The following DCC variants were observed in gnomAD, a reference collection of about 807,000 sequenced individuals.
The protein encoded by DCC is DCC netrin 1 receptor.
In DCC, 58 loss-of-function variants were observed where a neutral mutation model predicts 172.5. That is an observed-to-expected ratio of 0.34 (90% CI 0.27 to 0.42). The LOEUF (loss-of-function observed/expected upper bound fraction) is 0.42. Ranked by LOEUF, DCC falls within the 10% of genes least tolerant of loss-of-function variation. The pLI is 1.00. For missense variants in DCC, 1,740 were observed against 1,791.0 expected, an observed-to-expected ratio of 0.97 and a Z score of 0.51; for synonymous variants, 709 against 644.5, an observed-to-expected ratio of 1.10 and a Z score of -1.52.
chr18:52,346,835 T>C (rs958005168), intron 1 of DCC, among the ~76,000 whole-genome samples: 10 of 152,204 alleles, frequency 6.6e-5, no homozygotes, highest in Non-Finnish European at 1.2e-4. Flanking sequence ...CCAGTGTCTA[T>C]GATCTACTTC....
chr18:52,375,972 C>G (rs763662836), intron 1 of DCC, among the ~76,000 whole-genome samples: 1 of 152,136 alleles, frequency 6.6e-6, no homozygotes, highest in Non-Finnish European at 1.5e-5. Context: ...TTTCCTAGCC[C>G]TTTAGAAGTA....
At chr18:52,687,539 C>CCTCCCAAAGTG (rs1181713530) in intron 1 of DCC, among the ~76,000 whole-genome samples, 6 of 152,062 alleles carry the variant, frequency 3.9e-5, no homozygotes, top group African/African-American at 1.4e-4. Flanking sequence ...CCCACCTTGG[C>CCTCCCAAAGTG]CTCCCAAAGT....
intron 26 of DCC, among the ~76,000 whole-genome samples, chr18:53,487,352 G>A (rs749721269): frequency 3.3e-5 from 5 of 152,118 alleles, no homozygotes; most frequent in Non-Finnish European, 4.4e-5. Flanking sequence ...AATAACTTGG[G>A]TGAATGCTTT....
chr18:52,392,661 C>T (rs769922918), intron 1 of DCC, among the ~76,000 whole-genome samples: 11 of 151,922 alleles, frequency 7.2e-5, no homozygotes, highest in Non-Finnish European at 1.5e-4. Context: ...TGCAATACTC[C>T]TGCTGCTAAT....
intron 1 of DCC, among the ~76,000 whole-genome samples, chr18:52,406,547 A>C (rs1986658786): frequency 6.6e-6 from 1 of 152,114 alleles, no homozygotes; most frequent in South Asian, 2.1e-4. Context: ...CGGACTCTGG[A>C]TAATGGGCTC....
intron 5 of DCC, among the ~76,000 whole-genome samples, chr18:52,929,294 A>G (rs894432588): frequency 2.0e-5 from 3 of 152,154 alleles, no homozygotes; most frequent in Non-Finnish European, 2.9e-5. Context: ...TCTTAGGCAT[A>G]TGCTTTACTG....
At chr18:52,641,693 A>G (rs1002101002) in intron 1 of DCC, among the ~76,000 whole-genome samples, 1 of 152,084 alleles carries the variant, frequency 6.6e-6, no homozygotes, top group African/African-American at 2.4e-5. Flanking sequence ...AAGAATGGCC[A>G]TAATCAAAAA....
intron 12 of DCC, among the ~76,000 whole-genome samples, chr18:53,228,780 G>A (rs996329965): frequency 1.3e-5 from 2 of 152,092 alleles, no homozygotes; most frequent in African/African-American, 4.8e-5. Context: ...AAACTTTAAG[G>A]AACATAACAA....
At chr18:53,453,994 A>G (rs1394662489) in intron 23 of DCC, among the ~76,000 whole-genome samples, 1 of 152,212 alleles carries the variant, frequency 6.6e-6, no homozygotes, top group Non-Finnish European at 1.5e-5. Flanking sequence ...TGTACTTTGA[A>G]GAGACCCCTT....
intron 12 of DCC, among the ~76,000 whole-genome samples, chr18:53,236,794 A>G (rs1039703698): frequency 6.6e-6 from 1 of 152,066 alleles, no homozygotes; most frequent in Non-Finnish European, 1.5e-5. Flanking sequence ...ATAGGTATCC[A>G]GTTTTGTCGG....
At chr18:53,522,163 A>C (rs748301300) in intron 27 of DCC, among the ~76,000 whole-genome samples, 7 of 152,074 alleles carry the variant, frequency 4.6e-5, no homozygotes, top group Non-Finnish European at 7.4e-5. Flanking sequence ...CTAAAATATC[A>C]ACATGAATTT....
intron 1 of DCC, among the ~76,000 whole-genome samples, chr18:52,677,271 T>G (rs1051414234): frequency 6.6e-5 from 10 of 152,280 alleles, no homozygotes; most frequent in African/African-American, 2.4e-4. Flanking sequence ...TCATTAATGT[T>G]AAAACTAACT....
intron 1 of DCC, among the ~76,000 whole-genome samples, chr18:52,590,052 C>T (rs1029571364): frequency 2.0e-5 from 3 of 151,964 alleles, no homozygotes; most frequent in African/African-American, 7.3e-5. Flanking sequence ...GCTCTGAGAA[C>T]ATTTTAAAGC....
chr18:52,804,892 G>A (rs1052941148), intron 2 of DCC, among the ~76,000 whole-genome samples: 23 of 152,084 alleles, frequency 1.5e-4, no homozygotes, highest in African/African-American at 3.6e-4. Context: ...CTAAAATTTC[G>A]TTTTAAAAAA....
intron 5 of DCC, among the ~76,000 whole-genome samples, chr18:53,021,116 A>G (rs1230595769): frequency 6.6e-6 from 1 of 151,982 alleles, no homozygotes; most frequent in Non-Finnish European, 1.5e-5. Flanking sequence ...GGGAAAGGGC[A>G]CTTGCTGAGA....
chr18:53,154,141 A>T (rs146501233), intron 7 of DCC, among the ~76,000 whole-genome samples: 83 of 152,254 alleles, frequency 5.5e-4, no homozygotes, highest in African/African-American at 1.9e-3. Flanking sequence ...AGGTAGATAA[A>T]TACCCCTATC....
At chr18:53,157,752 T>C (rs775065563) in intron 8 of DCC, among the ~76,000 whole-genome samples, 39 of 152,182 alleles carry the variant, frequency 2.6e-4, no homozygotes, top group Non-Finnish European at 5.3e-4. Flanking sequence ...ATTATGTCAA[T>C]TTTTTATTTC....
intron 1 of DCC, among the ~76,000 whole-genome samples, chr18:52,633,074 A>C (rs181849615): frequency 6.6e-6 from 1 of 152,182 alleles, no homozygotes; most frequent in East Asian, 1.9e-4. Flanking sequence ...AAGACCTAAA[A>C]TTTCATGTCA....
At chr18:53,468,342 T>TTTTTTTTATTTATTTATTTA (rs1555675964) in intron 25 of DCC, among the ~76,000 whole-genome samples, 7 of 131,026 alleles carry the variant, frequency 5.3e-5, no homozygotes, top group South Asian at 2.3e-4. Flanking sequence ...CATAGTTTAT[T>TTTTTTTTATTTATTTATTTA]TTTATTTATT....
Sources: gnomAD v4.1 joint callset for allele counts (sites outside exome capture counted in the v4.1 genomes callset) on GRCh38, gnomAD v4.1.1 for gene constraint, MANE v1.5 for transcripts, NCBI Gene and HGNC (gene_info 2026-07-23, HGNC 2026-07-21) for gene names.